KIFC3: variants seen among roughly 807,000 people sequenced by gnomAD.
KIFC3 encodes the protein kinesin-like protein KIFC3.
A neutral mutation model predicts 101.8 loss-of-function variants in KIFC3; 60 were observed. That is an observed-to-expected ratio of 0.59 (90% confidence interval 0.48 to 0.73). The LOEUF (loss-of-function observed/expected upper bound fraction) is 0.73. Among genes scored for constraint, KIFC3 ranks in the 30% least tolerant of loss-of-function variants. KIFC3 has a pLI of 0.00. For missense variants in KIFC3, 966 were observed against 1,137.1 expected, an observed-to-expected ratio of 0.85 and a Z score of 2.16; for synonymous variants, 476 against 482.7, an observed-to-expected ratio of 0.99 and a Z score of 0.18.
chr16:57,763,613 C>G (rs1346489587), intron 12 of KIFC3, among the ~76,000 whole-genome samples: 2 of 152,182 alleles, frequency 1.3e-5, no homozygotes, highest in African/African-American at 4.8e-5. Flanking sequence ...ACCTGCTCCA[C>G]CACACCTGGG....
Position 57,761,431 on chromosome 16 carries a change from G to A in KIFC3, c.1854C>T (p.Ser618=), listed in dbSNP as rs12920931. ...VPGLTEFQVQ[S]VDDINKVFEF... is the part of the protein sequence containing the mutation. ...TCCACACCTTGTTGATGTCGTCCAC[G>A]CTCTGCACTTGGAACTCAGTCAGCC... Residue 618 remains serine, a synonymous_variant, in exon 14 of 20, where the codon AGC becomes AGT. Transcript: ENST00000445690. 71,649 of 1,613,880 alleles carry A rather than the reference G, an allele frequency of 0.044. 1,886 individuals are homozygous for A. The highest frequency in any genetic ancestry group is 0.054 in the Non-Finnish European group (63,264 of 1,179,850).
intron 1 of KIFC3, among the ~76,000 whole-genome samples, chr16:57,832,385 G>A (rs762088841): frequency 8.5e-5 from 11 of 129,770 alleles, no homozygotes; most frequent in South Asian, 2.6e-4. Context: ...ACGCATCAGC[G>A]CAATCTTGGC....
intron 3 of KIFC3, among the ~76,000 whole-genome samples, chr16:57,782,927 C>A (rs944512388): frequency 3.9e-5 from 6 of 152,170 alleles, no homozygotes; most frequent in Non-Finnish European, 8.8e-5. Flanking sequence ...GCCTGGGCAA[C>A]AAGAGCGAAA....
chr16:57,803,409 A>G, upstream of KIFC3: 1 of 518,524 alleles, frequency 1.9e-6, no homozygotes, highest in Middle Eastern at 3.0e-4. Context: ...GAAGAGGAGA[A>G]AGCAAGTCAC....
At chr16:57,857,975 A>C (rs247057) in intron 1 of KIFC3, among the ~76,000 whole-genome samples, 1 of 151,264 alleles carries the variant, frequency 6.6e-6, no homozygotes, top group Non-Finnish European at 1.5e-5. Flanking sequence ...ATGCCACCCC[A>C]CCCGACTAAT....
At chr16:57,761,242 A>G in intron 14 of KIFC3, 71 bp from the exon 15 acceptor site, 3 of 1,596,060 alleles carry the variant, frequency 1.9e-6, no homozygotes, top group Non-Finnish European at 2.6e-6. Flanking sequence ...GGCCCCAAGC[A>G]CCCATGAGGA....
At chr16:57,827,952 C>T (rs1468260805) in intron 1 of KIFC3, among the ~76,000 whole-genome samples, 2 of 152,252 alleles carry the variant, frequency 1.3e-5, no homozygotes, top group African/African-American at 4.8e-5. Flanking sequence ...TCCCAACAAC[C>T]CCTTGAGGGA....
At chr16:57,847,199 G>C (rs1325090787) in intron 1 of KIFC3, among the ~76,000 whole-genome samples, 3 of 19,084 alleles carry the variant, frequency 1.6e-4, no homozygotes, top group Non-Finnish European at 2.8e-4. Flanking sequence ...AGGAGGGAAG[G>C]AAGGAAGGAA....
At chr16:57,847,388 G>A (rs1256780453) in intron 1 of KIFC3, among the ~76,000 whole-genome samples, 4 of 152,140 alleles carry the variant, frequency 2.6e-5, no homozygotes, top group East Asian at 1.9e-4. Flanking sequence ...CCAGGAGTTC[G>A]AGACCAGCCT....
chr16:57,779,647 GTC>G (rs1234657693), intron 3 of KIFC3: 1 of 151,722 alleles, frequency 6.6e-6, no homozygotes, highest in Non-Finnish European at 1.5e-5. Flanking sequence ...GTGAAACCCT[GTC>G]TCTACTAAAA....
chr16:57,812,750 G>C (rs559860486), intron 1 of KIFC3, among the ~76,000 whole-genome samples: 1 of 152,198 alleles, frequency 6.6e-6, no homozygotes, highest in Admixed American at 6.5e-5. Context: ...CCGAAACACC[G>C]GGCTGGCCAG....
chr16:57,770,808 C>T, intron 6 of KIFC3, 108 bp from the exon 7 acceptor site: 1 of 999,332 alleles, frequency 1.0e-6, no homozygotes, highest in Non-Finnish European at 1.4e-6. Flanking sequence ...ACATCCCACT[C>T]AGAAACCAGA....
At chr16:57,839,839 G>A (rs1485185446) in intron 1 of KIFC3, among the ~76,000 whole-genome samples, 1 of 151,786 alleles carries the variant, frequency 6.6e-6, no homozygotes, top group Non-Finnish European at 1.5e-5. Flanking sequence ...CATCATTCTT[G>A]AGCAACTCAT....
intron 1 of KIFC3, among the ~76,000 whole-genome samples, chr16:57,862,538 C>T (rs1021543276): frequency 1.3e-5 from 2 of 152,076 alleles, no homozygotes; most frequent in African/African-American, 4.8e-5. Flanking sequence ...TATGTGTATT[C>T]AATTAAAATT....
chr16:57,800,574 G>T (rs540374995), intron 1 of KIFC3, among the ~76,000 whole-genome samples: 1 of 152,326 alleles, frequency 6.6e-6, no homozygotes, highest in South Asian at 2.1e-4. Flanking sequence ...CTCCACAGTG[G>T]ACAGAGAAGA....
At chr16:57,782,109 C>T in intron 3 of KIFC3, 1 of 985,470 alleles carries the variant, frequency 1.0e-6, no homozygotes, top group Non-Finnish European at 1.2e-6. Flanking sequence ...CACAGTGAGG[C>T]CAGCAGGAGA....
chr16:57,787,591 C>T (rs2965780), intron 3 of KIFC3, among the ~76,000 whole-genome samples: 99,917 of 151,910 alleles, frequency 0.66, 34,705 homozygotes, highest in Non-Finnish European at 0.77. Context: ...GGGGAGGCTG[C>T]ACTCGGGGCT....
At chr16:57,852,735 A>G (rs2056082740) in intron 1 of KIFC3, among the ~76,000 whole-genome samples, 1 of 132,052 alleles carries the variant, frequency 7.6e-6, no homozygotes, top group Non-Finnish European at 1.6e-5. Flanking sequence ...TTAGATTAGG[A>G]GTAAAAATTG....
chr16:57,815,713 T>A lies in KIFC3; in HGVS notation c.109-17431A>T, dbSNP rs2055205167. On this transcript the variant is annotated intron_variant, in intron 1 of 2. Transcript: ENST00000563028. ...CTGGGAGAAGGGGAGCAAATATCTG[T>A]CTACTCCCTCAACTCCACCCAGCCA... is the stretch of plus-strand genomic sequence containing the variant. 1.2e-5 allele frequency: 15 copies of A among 1,215,046 alleles called. No individual in the cohort carries two copies. The South Asian group carries it at 1.9e-4, about 15-fold the overall frequency. The allele number at this position is 1,215,046 out of a possible 1,614,324, so 75.3% of individuals were successfully genotyped here.
Sources: allele counts gnomAD v4.1 joint callset (sites outside exome capture counted in the v4.1 genomes callset), GRCh38; gene constraint gnomAD v4.1.1; transcripts MANE v1.5; gene names NCBI Gene and HGNC (gene_info 2026-07-23, HGNC 2026-07-21).